The following SNTG1 variants were observed in gnomAD, a reference collection of about 807,000 sequenced individuals.
SNTG1 encodes the protein gamma-1-syntrophin.
In SNTG1, 39 loss-of-function variants were observed where a neutral mutation model predicts 74.7. The ratio of observed to expected loss-of-function variants is 0.52; its 90% CI spans 0.40 to 0.68. SNTG1 has a LOEUF of 0.68. Ranked by LOEUF, SNTG1 falls within the 30% of genes least tolerant of loss-of-function variation. The pLI, the probability that SNTG1 is intolerant of heterozygous loss-of-function variation, is 0.00. For missense variants in SNTG1, 685 were observed against 609.5 expected (o/e 1.12, Z -1.30); for synonymous variants, 254 against 217.1 (o/e 1.17, Z -1.49).
intron 1 of SNTG1, among the ~76,000 whole-genome samples, chr8:49,989,014 C>T (rs1813432250): frequency 6.6e-6 from 1 of 151,858 alleles, no homozygotes. Flanking sequence ...CATACAATTA[C>T]CCTAATTTGA....
chr8:50,323,859 A>C (rs925284866), intron 2 of SNTG1, among the ~76,000 whole-genome samples: 1 of 125,754 alleles, frequency 8.0e-6, no homozygotes, highest in African/African-American at 2.5e-5. Flanking sequence ...TCAAAACTCA[A>C]AAACTTTAAC....
At chr8:50,761,207 C>G (rs12676005) in intron 18 of SNTG1, among the ~76,000 whole-genome samples, 31,105 of 151,990 alleles carry the variant, frequency 0.2, 3,302 homozygotes, top group South Asian at 0.32. Context: ...GGGATCAAGG[C>G]TGTTTCAACA....
chr8:49,977,982 G>A lies in SNTG1; in HGVS notation c.-103+65751G>A, dbSNP rs566539440. ...GCCTCAGTTTTCATATCTTCATAAGGGGAAATAATAATAATACAGATGCCT... is the reference window on the plus strand; with the variant it reads ...GCCTCAGTTTTCATATCTTCATAAGAGGAAATAATAATAATACAGATGCCT... On this transcript the variant is annotated intron_variant, in intron 1 of 18. Transcript: ENST00000642720. Among the ~76,000 whole-genome samples, 8 of 152,230 alleles carry A rather than the reference G, an allele frequency of 5.3e-5. No individual in the cohort carries two copies. In the East Asian group the frequency reaches 1.5e-3, roughly 29 times the overall value.
intron 2 of SNTG1, among the ~76,000 whole-genome samples, chr8:50,275,468 TTG>T (rs1397698875): frequency 6.6e-6 from 1 of 152,214 alleles, no homozygotes; most frequent in African/African-American, 2.4e-5. Context: ...AAAAATATTT[TTG>T]TGTTTCTTCT....
intron 1 of SNTG1, among the ~76,000 whole-genome samples, chr8:49,921,125 GC>G (rs1806503284): frequency 6.6e-6 from 1 of 152,012 alleles, no homozygotes; most frequent in African/African-American, 2.4e-5. Flanking sequence ...GGAGATTACT[GC>G]TAAAGCTATG....
intron 8 of SNTG1, among the ~76,000 whole-genome samples, chr8:50,470,226 A>G (rs891027067): frequency 5.3e-5 from 8 of 152,166 alleles, no homozygotes; most frequent in Admixed American, 1.3e-4. Flanking sequence ...CGAACCTAAT[A>G]CTCCCAGTAA....
At chr8:50,622,053 A>G (rs539987332) in intron 13 of SNTG1, among the ~76,000 whole-genome samples, 19 of 152,086 alleles carry the variant, frequency 1.2e-4, no homozygotes, top group Non-Finnish European at 2.1e-4. Flanking sequence ...CACCTGATAT[A>G]TTCATGCTAA....
At chr8:50,341,315 GAATGGTGACT>G in intron 2 of SNTG1, among the ~76,000 whole-genome samples, 1 of 151,990 alleles carries the variant, frequency 6.6e-6, no homozygotes, top group Non-Finnish European at 1.5e-5. Context: ...AGAGTTGGAG[GAATGGTGACT>G]AACATATTTT....
intron 1 of SNTG1, among the ~76,000 whole-genome samples, chr8:49,931,091 G>A (rs1807545487): frequency 6.6e-6 from 1 of 152,106 alleles, no homozygotes; most frequent in South Asian, 2.1e-4. Flanking sequence ...AAGAAAAGGT[G>A]TTCAACCTTA....
chr8:50,245,204 A>C (rs2086341884), intron 2 of SNTG1, among the ~76,000 whole-genome samples: 1 of 152,134 alleles, frequency 6.6e-6, no homozygotes, highest in Admixed American at 6.6e-5. Flanking sequence ...GTGACTTGAA[A>C]ATCATGCTTG....
At chr8:50,013,627 T>G (rs1240278507) in intron 1 of SNTG1, among the ~76,000 whole-genome samples, 1 of 152,032 alleles carries the variant, frequency 6.6e-6, no homozygotes, top group Middle Eastern at 3.2e-3. Context: ...AACTAACACA[T>G]AATAATTTTA....
At chr8:50,287,257 G>A (rs1262952065) in intron 2 of SNTG1, among the ~76,000 whole-genome samples, 3 of 152,006 alleles carry the variant, frequency 2.0e-5, no homozygotes, top group Admixed American at 1.3e-4. Context: ...CAAAATCTAG[G>A]CCTACTGAAT....
chr8:50,346,586 T>C (rs969674822), intron 2 of SNTG1, among the ~76,000 whole-genome samples: 2 of 152,216 alleles, frequency 1.3e-5, no homozygotes, highest in African/African-American at 4.8e-5. Flanking sequence ...TTAAGCTTAA[T>C]GAGAAAGGCA....
chr8:50,042,267 T>C (rs1818700241), intron 1 of SNTG1, among the ~76,000 whole-genome samples: 1 of 152,180 alleles, frequency 6.6e-6, no homozygotes, highest in African/African-American at 2.4e-5. Context: ...GCAATCTATC[T>C]AGTCCCCTCC....
intron 1 of SNTG1, among the ~76,000 whole-genome samples, chr8:49,957,941 A>G (rs1054372867): frequency 6.6e-6 from 1 of 152,208 alleles, no homozygotes; most frequent in African/African-American, 2.4e-5. Context: ...CTTAAAAAAT[A>G]AACAAATAAA....
intron 15 of SNTG1, among the ~76,000 whole-genome samples, chr8:50,692,097 C>T (rs1263806865): frequency 6.6e-6 from 1 of 152,172 alleles, no homozygotes; most frequent in Non-Finnish European, 1.5e-5. Flanking sequence ...TTTTCAGCTC[C>T]ATCAGGTTCT....
intron 8 of SNTG1, among the ~76,000 whole-genome samples, chr8:50,468,393 T>TC (rs539078053): frequency 2.5e-4 from 38 of 152,050 alleles, no homozygotes; most frequent in African/African-American, 7.5e-4. Context: ...ATTATTTCAT[T>TC]CCCCCCCTTA....
chr8:50,743,458 C>A (rs2095548227), intron 17 of SNTG1, among the ~76,000 whole-genome samples: 1 of 151,596 alleles, frequency 6.6e-6, no homozygotes, highest in Non-Finnish European at 1.5e-5. Context: ...AACGCATCAA[C>A]CTTTAACAAA....
At chr8:50,472,921 A>G (rs2093664688) in intron 8 of SNTG1, among the ~76,000 whole-genome samples, 1 of 152,170 alleles carries the variant, frequency 6.6e-6, no homozygotes, top group African/African-American at 2.4e-5. Context: ...AAAAAAACAT[A>G]TGAAAAAATG....
Sources: gnomAD v4.1 joint callset for allele counts (sites outside exome capture counted in the v4.1 genomes callset) on GRCh38, gnomAD v4.1.1 for gene constraint, MANE v1.5 for transcripts, NCBI Gene and HGNC (gene_info 2026-07-23, HGNC 2026-07-21) for gene names.